The following SEMA5A variants were observed in gnomAD, a reference collection of about 807,000 sequenced individuals.
SEMA5A encodes semaphorin-5A.
In SEMA5A, 55 loss-of-function variants were observed where a neutral mutation model predicts 135.5. That is an observed-to-expected ratio of 0.41 (90% confidence interval 0.33 to 0.51). The LOEUF (loss-of-function observed/expected upper bound fraction) is 0.51, where lower values mean the gene tolerates loss of function less well. Among genes scored for constraint, SEMA5A ranks in the 20% least tolerant of loss-of-function variants. The pLI is 0.37. For synonymous variants in SEMA5A, 580 were observed against 546.5 expected, an observed-to-expected ratio of 1.06 and a Z score of -0.85; for missense variants, 1,290 against 1,419.9, an observed-to-expected ratio of 0.91 and a Z score of 1.47.
intron 12 of SEMA5A, among the ~76,000 whole-genome samples, chr5:9,140,192 T>C (rs1741988271): frequency 6.6e-6 from 1 of 152,200 alleles, no homozygotes; most frequent in Admixed American, 6.5e-5. Context: ...TAATGTACTA[T>C]TTTAAATAAA....
intron 2 of SEMA5A, among the ~76,000 whole-genome samples, chr5:9,428,100 A>G (rs1371763338): frequency 1.6e-4 from 23 of 145,042 alleles, no homozygotes; most frequent in East Asian, 4.0e-4. Context: ...ATATATATAT[A>G]TATATATATA....
intron 11 of SEMA5A, among the ~76,000 whole-genome samples, chr5:9,175,974 G>A (rs1744183072): frequency 6.6e-6 from 1 of 152,196 alleles, no homozygotes; most frequent in Non-Finnish European, 1.5e-5. Context: ...AACCCCTGGT[G>A]TTCATGTTCT....
intron 8 of SEMA5A, among the ~76,000 whole-genome samples, chr5:9,215,859 CT>C (rs1746591232): frequency 6.6e-6 from 1 of 151,586 alleles, no homozygotes; most frequent in South Asian, 2.1e-4. Flanking sequence ...ATTCACTAAT[CT>C]TTTGAATGAG....
In SEMA5A at chr5:9,249,938, G is replaced by A. The variant is rs977581881; in HGVS notation, c.271-12048C>T. Among the ~76,000 whole-genome samples, 6 of 152,306 alleles carry A rather than the reference G, an allele frequency of 3.9e-5. No homozygotes were observed. In the East Asian group the frequency reaches 5.8e-4, roughly 15 times the overall value. On this transcript the variant is annotated intron_variant, in intron 5 of 22. Coordinates refer to ENST00000382496, the MANE Select transcript of SEMA5A (RefSeq NM_003966.3). ...GGATTGGAGAGGTCTCTGGCTACAC[G>A]CTGATATGCAGCTCAGGACAGGCCT...
At chr5:9,290,411 T>C (rs949800779) in intron 5 of SEMA5A, among the ~76,000 whole-genome samples, 2 of 152,200 alleles carry the variant, frequency 1.3e-5, no homozygotes, top group Non-Finnish European at 2.9e-5. Context: ...TACATATATA[T>C]ACACTACATT....
At chr5:9,053,307 T>A (rs1353127918) in intron 19 of SEMA5A, among the ~76,000 whole-genome samples, 5 of 152,196 alleles carry the variant, frequency 3.3e-5, no homozygotes, top group Non-Finnish European at 7.3e-5. Context: ...TTCACAGCGG[T>A]GCTCCCTGCT....
chr5:9,397,050 CAAA>C (rs11345966), intron 2 of SEMA5A, among the ~76,000 whole-genome samples: 3 of 138,798 alleles, frequency 2.2e-5, no homozygotes, highest in African/African-American at 5.2e-5. Context: ...ACAAGGAAGA[CAAA>C]AAAAAAAAAT....
At chr5:9,294,560 C>T (rs1315139468) in intron 5 of SEMA5A, among the ~76,000 whole-genome samples, 2 of 152,366 alleles carry the variant, frequency 1.3e-5, no homozygotes, top group African/African-American at 2.4e-5. Flanking sequence ...ATACCTAGTG[C>T]TGTCCTTATA....
At chr5:9,129,396 C>G (rs969963104) in intron 13 of SEMA5A, among the ~76,000 whole-genome samples, 1 of 152,220 alleles carries the variant, frequency 6.6e-6, no homozygotes, top group Non-Finnish European at 1.5e-5. Context: ...GTTGGTTCTA[C>G]TACATTTCAG....
At chr5:9,289,481 C>T (rs1175220238) in intron 5 of SEMA5A, among the ~76,000 whole-genome samples, 4 of 152,100 alleles carry the variant, frequency 2.6e-5, no homozygotes, top group East Asian at 1.9e-4. Context: ...CTGGCTGACA[C>T]GGTGAAACCC....
At chr5:9,278,002 A>G (rs980307385) in intron 5 of SEMA5A, among the ~76,000 whole-genome samples, 1 of 152,106 alleles carries the variant, frequency 6.6e-6, no homozygotes, top group African/African-American at 2.4e-5. Flanking sequence ...TGACTTATCA[A>G]TAGACCCAGA....
At chr5:9,285,674 C>T (rs1761079803) in intron 5 of SEMA5A, among the ~76,000 whole-genome samples, 1 of 152,176 alleles carries the variant, frequency 6.6e-6, no homozygotes, top group Non-Finnish European at 1.5e-5. Flanking sequence ...CATTCCTCCA[C>T]AGGCAGGCAA....
At chr5:9,402,177 T>C (rs1052643875) in intron 2 of SEMA5A, among the ~76,000 whole-genome samples, 2 of 152,200 alleles carry the variant, frequency 1.3e-5, no homozygotes, top group African/African-American at 4.8e-5. Context: ...GAGATGCAAG[T>C]CACGGCCAGG....
chr5:9,536,888 G>T (rs1177825970), intron 1 of SEMA5A, among the ~76,000 whole-genome samples: 63 of 152,288 alleles, frequency 4.1e-4, no homozygotes, highest in Non-Finnish European at 1.5e-5. Flanking sequence ...AACAGTGACA[G>T]GAGGACAGGA....
In SEMA5A at chr5:9,412,591, A is replaced by ATTT. The variant is rs201599831; in HGVS notation, c.-78+25162_-78+25164dup. On this transcript the variant is annotated intron_variant, in intron 2 of 22. Coordinates refer to ENST00000382496, the MANE Select transcript of SEMA5A (RefSeq NM_003966.3). ...GGGCCAGAACGGATTCAGATTTTGC[A>ATTT]TTTTTTTTTTTTTTTTTTGGATTTT... Among the ~76,000 whole-genome samples, 205 of 110,350 alleles carry ATTT rather than the reference A, an allele frequency of 1.9e-3. 4 individuals are homozygous for ATTT. The highest frequency in any genetic ancestry group is 6.7e-3 in the African/African-American group (189 of 28,380). The allele number at this position is 110,350 out of a possible 152,430, so 72.4% of individuals were successfully genotyped here. A position where few individuals can be genotyped will look rare whatever the true frequency, so the allele number is the denominator to read the frequency against.
At chr5:9,472,999 T>C (rs1366253043) in intron 1 of SEMA5A, among the ~76,000 whole-genome samples, 1 of 150,380 alleles carries the variant, frequency 6.6e-6, no homozygotes, top group East Asian at 1.9e-4. Flanking sequence ...CATTATTCAT[T>C]TCATCATTTC....
intron 1 of SEMA5A, among the ~76,000 whole-genome samples, chr5:9,508,254 G>A (rs1736012036): frequency 6.6e-6 from 1 of 152,044 alleles, no homozygotes; most frequent in South Asian, 2.1e-4. Context: ...AAGATGCCAG[G>A]GAGTGTCATC....
At chr5:9,263,516 T>C (rs1749517319) in intron 5 of SEMA5A, among the ~76,000 whole-genome samples, 1 of 152,136 alleles carries the variant, frequency 6.6e-6, no homozygotes, top group South Asian at 2.1e-4. Flanking sequence ...ACCCACCCTT[T>C]CCCCACTGCC....
chr5:9,135,908 G>A (rs867311479), intron 13 of SEMA5A, among the ~76,000 whole-genome samples: 2 of 152,122 alleles, frequency 1.3e-5, no homozygotes, highest in African/African-American at 4.8e-5. Context: ...ATCAGCAAAG[G>A]AAACCATGAA....
Sources: gnomAD v4.1 joint callset for allele counts (sites outside exome capture counted in the v4.1 genomes callset) on GRCh38, gnomAD v4.1.1 for gene constraint, MANE v1.5 for transcripts, NCBI Gene and HGNC (gene_info 2026-07-23, HGNC 2026-07-21) for gene names.